The following SOBP variants were observed in gnomAD, a reference collection of about 807,000 sequenced individuals.
SOBP encodes the protein sine oculis binding protein homolog.
Under a neutral mutation model 53.6 loss-of-function variants are expected in SOBP, and 4 were observed. That is an observed-to-expected ratio of 0.07 (90% CI 0.04 to 0.17). SOBP has a LOEUF of 0.17. SOBP is among the 10% of genes least tolerant of loss of function. The pLI is 1.00. For synonymous variants in SOBP, 584 were observed against 522.6 expected (o/e 1.12, Z -1.60); for missense variants, 1,088 against 1,204.7 (o/e 0.90, Z 1.43).
At chr6:107,579,172 A>G (rs1785327694) in intron 4 of SOBP, among the ~76,000 whole-genome samples, 1 of 152,126 alleles carries the variant, frequency 6.6e-6, no homozygotes, top group Admixed American at 6.5e-5. Flanking sequence ...TGGGCGGAGG[A>G]AGAAAGTGGG....
chr6:107,598,680 G>C (rs1054219976), intron 5 of SOBP, among the ~76,000 whole-genome samples: 1 of 152,176 alleles, frequency 6.6e-6, no homozygotes, highest in African/African-American at 2.4e-5. Flanking sequence ...GGTTGGAGGA[G>C]GGGAGCAGGG....
chr6:107,618,227 A>G (rs1028705837), intron 5 of SOBP, among the ~76,000 whole-genome samples: 3 of 152,226 alleles, frequency 2.0e-5, no homozygotes, highest in African/African-American at 4.8e-5. Flanking sequence ...AAGAATTTGC[A>G]TAACTTCTAA....
intron 4 of SOBP, among the ~76,000 whole-genome samples, chr6:107,568,242 A>G (rs569646412): frequency 6.6e-6 from 1 of 152,344 alleles, no homozygotes; most frequent in Non-Finnish European, 1.5e-5. Flanking sequence ...AAAACAAAGA[A>G]AAATAAACCT....
At chr6:107,514,628 A>G (rs990914931) in intron 3 of SOBP, 1 of 152,220 alleles carries the variant, frequency 6.6e-6, no homozygotes, top group African/African-American at 2.4e-5. Flanking sequence ...AAGAACCAGG[A>G]GACCTGGGTT....
intron 1 of SOBP, among the ~76,000 whole-genome samples, chr6:107,499,224 T>C (rs977270335): frequency 9.9e-5 from 15 of 152,250 alleles, no homozygotes; most frequent in South Asian, 2.1e-4. Flanking sequence ...TTAGAAGATA[T>C]GTATTTTAGT....
In SOBP at chr6:107,559,051, A is replaced by G. The variant is rs60000533; in HGVS notation, c.573+25441A>G. 3.5e-3 allele frequency among the ~76,000 whole-genome samples: 528 copies of G among 152,328 alleles called. 9 individuals carry two copies. Among genetic ancestry groups the G allele is most frequent in the East Asian group, 0.024 (123 of 5,192 alleles). On this transcript the variant is annotated intron_variant, in intron 4 of 6. Coordinates refer to ENST00000317357, the MANE Select transcript of SOBP (RefSeq NM_018013.4). The stretch of plus-strand genomic sequence containing the variant: ...TCCAGTGTTTGAAACTTCATCTGCC[A>G]TATGAAAATTTCTTGATAAGTATTT...
intron 4 of SOBP, among the ~76,000 whole-genome samples, chr6:107,568,650 G>T (rs1277511421): frequency 6.6e-6 from 1 of 152,224 alleles, no homozygotes; most frequent in Non-Finnish European, 1.5e-5. Context: ...AGAAGGAGCT[G>T]CCAGTCAATA....
chr6:107,493,956 T>A (rs1283965640), intron 1 of SOBP, among the ~76,000 whole-genome samples: 1 of 152,264 alleles, frequency 6.6e-6, no homozygotes, highest in African/African-American at 2.4e-5. Context: ...TTAAATTTGA[T>A]ACAATATAAT....
intron 6 of SOBP, among the ~76,000 whole-genome samples, chr6:107,652,810 C>G (rs1771860544): frequency 6.6e-6 from 1 of 151,904 alleles, no homozygotes; most frequent in Non-Finnish European, 1.5e-5. Flanking sequence ...GACTCTCCAC[C>G]AGCAAAAAGG....
At chr6:107,507,959 T>A (rs1270388818) in intron 3 of SOBP, among the ~76,000 whole-genome samples, 1 of 152,240 alleles carries the variant, frequency 6.6e-6, no homozygotes. Flanking sequence ...AGAAAGAAGT[T>A]AAATAATATT....
At chr6:107,537,688 G>A (rs1471964898) in intron 4 of SOBP, among the ~76,000 whole-genome samples, 1 of 152,030 alleles carries the variant, frequency 6.6e-6, no homozygotes, top group Non-Finnish European at 1.5e-5. Flanking sequence ...GGCTGTGATG[G>A]TGCTCACCTG....
chr6:107,529,365 T>C, intron 3 of SOBP: 2 of 736,246 alleles, frequency 2.7e-6, no homozygotes, highest in Non-Finnish European at 3.3e-6. Context: ...TTTCATGGCA[T>C]GGGGAACACA....
intron 3 of SOBP, among the ~76,000 whole-genome samples, chr6:107,521,456 G>T (rs1329935675): frequency 3.3e-5 from 5 of 152,154 alleles, no homozygotes; most frequent in Non-Finnish European, 7.3e-5. Context: ...AAATTAGGAG[G>T]AGTTTAAAAT....
intron 1 of SOBP, among the ~76,000 whole-genome samples, chr6:107,495,643 T>G (rs1782681114): frequency 6.6e-6 from 1 of 152,022 alleles, no homozygotes; most frequent in Non-Finnish European, 1.5e-5. Flanking sequence ...AAGACAGACT[T>G]ATAGAAACCA....
chr6:107,602,361 G>T (rs1333228917), intron 5 of SOBP, among the ~76,000 whole-genome samples: 1 of 152,118 alleles, frequency 6.6e-6, no homozygotes, highest in African/African-American at 2.4e-5. Flanking sequence ...CTGAATACTT[G>T]AGAAAATCAG....
At chr6:107,506,753 G>A (rs961012701) in intron 3 of SOBP, among the ~76,000 whole-genome samples, 3 of 151,874 alleles carry the variant, frequency 2.0e-5, no homozygotes, top group Non-Finnish European at 4.4e-5. Context: ...ATAAAATATA[G>A]ACAATGACTG....
chr6:107,522,537 CT>C (rs71551313), intron 3 of SOBP, among the ~76,000 whole-genome samples: 78 of 74,104 alleles, frequency 1.1e-3, no homozygotes, highest in African/African-American at 3.6e-3. Flanking sequence ...AGTATAAAAA[CT>C]TTTTTTTTTT....
chr6:107,533,735 T>G, intron 4 of SOBP, 125 bp downstream of exon 4: 1 of 1,225,614 alleles, frequency 8.2e-7, no homozygotes, highest in Non-Finnish European at 1.2e-6. Flanking sequence ...TCTCTCTGTT[T>G]TGTTGATTCC....
At chr6:107,649,751 C>G (rs1771724548) in intron 6 of SOBP, among the ~76,000 whole-genome samples, 2 of 151,926 alleles carry the variant, frequency 1.3e-5, no homozygotes, top group Non-Finnish European at 2.9e-5. Flanking sequence ...AGAGGGCCTA[C>G]CAGAGACCTG....
Sources: gnomAD v4.1 joint callset for allele counts (sites outside exome capture counted in the v4.1 genomes callset) on GRCh38, gnomAD v4.1.1 for gene constraint, MANE v1.5 for transcripts, NCBI Gene and HGNC (gene_info 2026-07-23, HGNC 2026-07-21) for gene names.